Variants in AGBL4 observed in about 807,000 individuals in gnomAD.
AGBL4 encodes the protein cytosolic carboxypeptidase 6.
A neutral mutation model predicts 66.4 loss-of-function variants in AGBL4; 58 were observed. That is an observed-to-expected ratio of 0.87 (90% CI 0.71 to 1.09). The LOEUF is 1.09. Among genes scored for constraint, AGBL4 ranks in the 50% least tolerant of loss-of-function variants. AGBL4 has a pLI of 0.00. For synonymous variants in AGBL4, 234 were observed against 222.9 expected (o/e 1.05, Z -0.44); for missense variants, 579 against 631.0 (o/e 0.92, Z 0.88).
chr1:49,614,608 G>T (rs12744549), intron 3 of AGBL4, among the ~76,000 whole-genome samples: 1 of 151,928 alleles, frequency 6.6e-6, no homozygotes, highest in Non-Finnish European at 1.5e-5. Flanking sequence ...GTTCCCTCTA[G>T]TAGTACTTTT....
At chr1:49,947,985 T>TAA (rs1485009447) in intron 1 of AGBL4, among the ~76,000 whole-genome samples, 1 of 100,870 alleles carries the variant, frequency 9.9e-6, no homozygotes, top group Non-Finnish European at 1.8e-5. Flanking sequence ...TATAAATATA[T>TAA]ATTTATATAT....
chr1:48,852,233 ACTTT>A (rs573027780), intron 6 of AGBL4, among the ~76,000 whole-genome samples: 4 of 151,892 alleles, frequency 2.6e-5, no homozygotes, highest in Non-Finnish European at 5.9e-5. Context: ...TGCATTTTAG[ACTTT>A]CTTTTTCTTT....
chr1:48,529,630 C>T (rs1438124248), downstream of AGBL4, among the ~76,000 whole-genome samples: 1 of 152,072 alleles, frequency 6.6e-6, no homozygotes, highest in African/African-American at 2.4e-5. Context: ...CAAAAGGTAC[C>T]AGACTTCTTT....
At chr1:48,788,490 A>T (rs956851488) in intron 6 of AGBL4, among the ~76,000 whole-genome samples, 2 of 152,154 alleles carry the variant, frequency 1.3e-5, no homozygotes, top group African/African-American at 2.4e-5. Context: ...AAATTGTAGG[A>T]CTTAAGTTGA....
intron 3 of AGBL4, among the ~76,000 whole-genome samples, chr1:49,309,148 C>T (rs1258342564): frequency 1.3e-5 from 2 of 152,074 alleles, no homozygotes; most frequent in Non-Finnish European, 2.9e-5. Context: ...GTGGTCTAGG[C>T]TCAACATTCT....
intron 2 of AGBL4, among the ~76,000 whole-genome samples, chr1:49,832,566 C>T (rs962018395): frequency 1.1e-4 from 16 of 151,702 alleles, no homozygotes; most frequent in Non-Finnish European, 1.2e-4. Flanking sequence ...CCTGAGGAAT[C>T]GCCACACCGA....
chr1:48,985,258 C>T (rs1214070362), intron 5 of AGBL4, among the ~76,000 whole-genome samples: 2 of 152,040 alleles, frequency 1.3e-5, no homozygotes, highest in African/African-American at 4.8e-5. Flanking sequence ...CTGATATACT[C>T]CCTGAGTTAA....
At chr1:49,063,207 T>G (rs1296632655) in intron 4 of AGBL4, among the ~76,000 whole-genome samples, 2 of 152,346 alleles carry the variant, frequency 1.3e-5, no homozygotes. Flanking sequence ...CCCTTTATGC[T>G]GACACATCTG....
At chr1:49,850,050 G>T (rs1270903504) in intron 2 of AGBL4, among the ~76,000 whole-genome samples, 1 of 152,110 alleles carries the variant, frequency 6.6e-6, no homozygotes, top group Non-Finnish European at 1.5e-5. Flanking sequence ...ATTCAGGTCT[G>T]GTTGGAAGTA....
intron 3 of AGBL4, among the ~76,000 whole-genome samples, chr1:49,458,437 C>G (rs1646437965): frequency 1.3e-5 from 2 of 151,516 alleles, no homozygotes; most frequent in Non-Finnish European, 3.0e-5. Flanking sequence ...TTTATCAGGT[C>G]TAGGTATTTT....
rs990686029 is a variant in AGBL4, at chr1:49,045,464, A to G, written c.594+120T>C. On this transcript the variant is annotated intron_variant, in intron 5 of 13. Transcript: ENST00000371839. The stretch of plus-strand genomic sequence containing the variant: ...ATTGTTTAATTGTAGTTAGTAAATT[A>G]TTAAAAGTTCTGGAAAGCACCAGTA... 1.7e-5 allele frequency: 12 copies of G among 709,238 alleles called. No individual in the cohort carries two copies. In the Admixed American group the frequency reaches 2.5e-4, roughly 15 times the overall value. 43.9% of individuals were successfully genotyped at this position (709,238 alleles called of 1,614,324 possible).
At chr1:48,586,516 AAGT>A (rs1644822889) in intron 11 of AGBL4, 1 of 160,796 alleles carries the variant, frequency 6.2e-6, no homozygotes, top group African/African-American at 2.4e-5. Flanking sequence ...TGAGAAAAGT[AAGT>A]AGAAGGGGAA....
intron 6 of AGBL4, among the ~76,000 whole-genome samples, chr1:48,713,095 C>T (rs1646992975): frequency 6.6e-6 from 1 of 152,202 alleles, no homozygotes; most frequent in African/African-American, 2.4e-5. Context: ...TGTGCTGGCA[C>T]AAGACTCATG....
intron 5 of AGBL4, among the ~76,000 whole-genome samples, chr1:48,907,092 GC>G (rs1235682756): frequency 6.6e-6 from 1 of 152,174 alleles, no homozygotes; most frequent in Non-Finnish European, 1.5e-5. Flanking sequence ...TACACTGCCT[GC>G]TTTTTAGGGC....
chr1:49,055,484 T>C (rs1644292698), intron 4 of AGBL4, among the ~76,000 whole-genome samples: 1 of 152,082 alleles, frequency 6.6e-6, no homozygotes, highest in African/African-American at 2.4e-5. Flanking sequence ...GTATAGTATG[T>C]TCTATAAAGA....
intron 3 of AGBL4, among the ~76,000 whole-genome samples, chr1:49,611,198 T>C (rs1204706617): frequency 2.0e-5 from 3 of 152,120 alleles, no homozygotes; most frequent in African/African-American, 2.4e-5. Context: ...GTGCCTCTCA[T>C]TGGCACTCAA....
intron 4 of AGBL4, among the ~76,000 whole-genome samples, chr1:49,083,435 C>T (rs1018549283): frequency 1.3e-5 from 2 of 152,240 alleles, no homozygotes; most frequent in African/African-American, 4.8e-5. Context: ...CCTGCAGGCT[C>T]AACACCACAT....
Position 48,560,706 on chromosome 1 carries a change from C to T in AGBL4, c.1268-20968G>A, listed in dbSNP as rs368820542. On this transcript the variant is annotated intron_variant, in intron 11 of 13. Transcript: ENST00000371839. Reference sequence around the variant, plus strand: ...ATGTTGAACAAGTCATTTATCTTCTCTGGGTATCAGTTTAGCTACCTCAAC... The same window carrying T: ...ATGTTGAACAAGTCATTTATCTTCTTTGGGTATCAGTTTAGCTACCTCAAC... 4.6e-5 allele frequency among the ~76,000 whole-genome samples: 7 copies of T among 152,308 alleles called. 1 individual carries two copies. The highest frequency in any genetic ancestry group is 1.7e-4 in the African/African-American group (7 of 41,576).
At chr1:49,286,847 A>T (rs1323432070) in intron 3 of AGBL4, among the ~76,000 whole-genome samples, 1 of 152,210 alleles carries the variant, frequency 6.6e-6, no homozygotes, top group Non-Finnish European at 1.5e-5. Context: ...TTCTTCACAG[A>T]ATTGGGAAAA....
Sources: gnomAD v4.1 joint callset for allele counts (sites outside exome capture counted in the v4.1 genomes callset) on GRCh38, gnomAD v4.1.1 for gene constraint, MANE v1.5 for transcripts, NCBI Gene and HGNC (gene_info 2026-07-23, HGNC 2026-07-21) for gene names.